Variants in WDR7 observed in about 807,000 individuals in gnomAD.
The protein encoded by WDR7 is WD repeat domain 7.
In WDR7, 46 loss-of-function variants were observed where a neutral mutation model predicts 169.4. The ratio of observed to expected loss-of-function variants is 0.27; its 90% CI spans 0.21 to 0.35. The LOEUF (loss-of-function observed/expected upper bound fraction) is 0.35. WDR7 is among the 10% of genes least tolerant of loss of function. The pLI is 1.00. For missense variants in WDR7, 1,534 were observed against 1,859.3 expected, an observed-to-expected ratio of 0.83 and a Z score of 3.22; for synonymous variants, 612 against 666.8, an observed-to-expected ratio of 0.92 and a Z score of 1.27.
At chr18:56,755,231 G>A (rs1599018599) in intron 14 of WDR7, among the ~76,000 whole-genome samples, 1 of 151,824 alleles carries the variant, frequency 6.6e-6, no homozygotes, top group Non-Finnish European at 1.5e-5. Flanking sequence ...TTTTATCGTA[G>A]TGAACTTTTA....
At chr18:56,856,858 C>T (rs2045729336) in intron 20 of WDR7, among the ~76,000 whole-genome samples, 2 of 152,100 alleles carry the variant, frequency 1.3e-5, no homozygotes, top group South Asian at 4.1e-4. Flanking sequence ...GCTGAGACCA[C>T]AGCTATTCTA....
Position 56,718,141 on chromosome 18 carries a change from G to A in WDR7, c.1756G>A (p.Val586Ile), listed in dbSNP as rs756670429. Residue 586 changes from valine to isoleucine, a missense_variant, in exon 13 of 28, where the codon GTC (valine) becomes ATC (isoleucine). Transcript: ENST00000254442. ...VVGCSDGSVY[V>I]WQMDTGALDR... is the part of the protein sequence containing the mutation. ...GGGGTGTTCAGATGGTTCTGTGTAC[G>A]TCTGGCAAATGGATACTGGTAAGAA... 1.6e-5 allele frequency: 25 copies of A among 1,612,094 alleles called. No homozygotes were observed. The highest frequency in any genetic ancestry group is 3.3e-5 in the South Asian group (3 of 90,710).
chr18:56,819,556 C>T (rs1473215385), intron 20 of WDR7, among the ~76,000 whole-genome samples: 1 of 151,994 alleles, frequency 6.6e-6, no homozygotes, highest in Non-Finnish European at 1.5e-5. Context: ...ACATATTAGC[C>T]CTCTTGGCGG....
At chr18:56,737,191 C>T (rs1176946375) in intron 14 of WDR7, among the ~76,000 whole-genome samples, 1 of 151,980 alleles carries the variant, frequency 6.6e-6, no homozygotes, top group South Asian at 2.1e-4. Flanking sequence ...ATATAGATAA[C>T]CAGTCATTTA....
intron 5 of WDR7, 45 bp downstream of exon 5, chr18:56,682,898 TGTTTA>T (rs760113475): frequency 7.7e-6 from 12 of 1,561,702 alleles, no homozygotes; most frequent in Non-Finnish European, 1.0e-5. Flanking sequence ...CATGACTTAA[TGTTTA>T]GTTTACTAGA....
intron 27 of WDR7, among the ~76,000 whole-genome samples, chr18:57,022,412 C>T (rs1051958496): frequency 2.6e-5 from 4 of 152,128 alleles, no homozygotes; most frequent in African/African-American, 9.7e-5. Flanking sequence ...GCATTAGAGA[C>T]ACAGAGATCA....
At position 56,962,483 on chromosome 18, in the gene WDR7, G is replaced by A. The variant is rs780171730; in HGVS notation, c.4118G>A (p.Arg1373His). 72 of 1,612,850 alleles carry A rather than the reference G, an allele frequency of 4.5e-5. No homozygotes were observed. The highest frequency in any genetic ancestry group is 5.5e-5 in the Non-Finnish European group (65 of 1,179,322). ...ERNHRIAVGA[R>H]HGSVALYDIR... Reference sequence around the variant, plus strand: ...AATCACAGAATAGCAGTTGGAGCTCGCCATGGTTCAGTGGCCCTGTACGAC... The same window carrying A: ...AATCACAGAATAGCAGTTGGAGCTCACCATGGTTCAGTGGCCCTGTACGAC... Residue 1373 changes from arginine to histidine, a missense_variant, in exon 26 of 28, where the codon CGC becomes CAC. By Grantham distance (29) the Arg-to-His change is conservative (BLOSUM62 0). Transcript: ENST00000254442.
chr18:56,822,800 T>C (rs1369493702), intron 20 of WDR7, among the ~76,000 whole-genome samples: 1 of 152,194 alleles, frequency 6.6e-6, no homozygotes, highest in Non-Finnish European at 1.5e-5. Context: ...ACTAAAGCTA[T>C]GGTTTTTGTT....
At chr18:57,032,806 T>TATATATATAC (rs1458767920), downstream of WDR7, 509 of 14,488 alleles carry the variant, frequency 0.035, 10 homozygotes, top group African/African-American at 0.11. Context: ...TTATTTTATA[T>TATATATATAC]ATATATATAT....
At chr18:56,952,268 T>C (rs1016962105) in intron 25 of WDR7, among the ~76,000 whole-genome samples, 1 of 152,226 alleles carries the variant, frequency 6.6e-6, no homozygotes, top group African/African-American at 2.4e-5. Flanking sequence ...CTGTGCAGTC[T>C]GGAGCACATC....
chr18:56,677,762 G>C (rs2025273464), intron 2 of WDR7, among the ~76,000 whole-genome samples: 1 of 152,116 alleles, frequency 6.6e-6, no homozygotes, highest in Non-Finnish European at 1.5e-5. Context: ...GGTTAAATTT[G>C]CTTGGTGTTC....
intron 21 of WDR7, among the ~76,000 whole-genome samples, chr18:56,886,283 G>A (rs779803558): frequency 6.6e-6 from 1 of 152,150 alleles, no homozygotes; most frequent in East Asian, 1.9e-4. Flanking sequence ...AGATTTCTCA[G>A]CAGAAGCCCT....
At position 57,027,690 on chromosome 18, in the gene WDR7, A is replaced by C; in HGVS notation, c.*483A>C. 6.4e-6 allele frequency: 1 copy of C among 155,434 alleles called. No homozygotes were observed. Among genetic ancestry groups the C allele is most frequent in the East Asian group, 1.9e-4 (1 of 5,224 alleles). 9.6% of individuals were successfully genotyped at this position (155,434 alleles called of 1,614,324 possible). ...ATTATTGCCCTTTGAATTACCTAAA[A>C]TATTGTTTACCAAAAAGATTCTGTG... On this transcript the variant is annotated 3_prime_UTR_variant, in exon 28 of 28. Transcript: ENST00000254442.
At chr18:56,692,023 G>A (rs570513852) in intron 9 of WDR7, among the ~76,000 whole-genome samples, 4 of 152,202 alleles carry the variant, frequency 2.6e-5, no homozygotes, top group African/African-American at 7.2e-5. Flanking sequence ...AATAACATTC[G>A]TTTTTCTAAG....
At chr18:56,958,092 A>C (rs763844947) in intron 25 of WDR7, among the ~76,000 whole-genome samples, 11 of 152,192 alleles carry the variant, frequency 7.2e-5, no homozygotes, top group Non-Finnish European at 1.6e-4. Flanking sequence ...AGGGAGTGCC[A>C]AAGTTATTTA....
chr18:56,696,187 T>C lies in WDR7; in HGVS notation c.1358-55T>C. ...AACATTCATGTTTACTTTTACTTAC[T>C]GAAACTTGGTAAACCTTTAATTTTC... On this transcript the variant is annotated intron_variant, in intron 11 of 27. Coordinates refer to ENST00000254442, the MANE Select transcript of WDR7 (RefSeq NM_015285.3). 2.1e-6 allele frequency: 3 copies of C among 1,440,190 alleles called. No individual in the cohort carries two copies. In the Admixed American group the frequency reaches 6.6e-5, roughly 32 times the overall value. The allele number at this position is 1,440,190 out of a possible 1,614,324, so 89.2% of individuals were successfully genotyped here.
intron 2 of WDR7, among the ~76,000 whole-genome samples, chr18:56,674,614 A>G (rs1211491518): frequency 2.0e-5 from 3 of 152,072 alleles, no homozygotes; most frequent in African/African-American, 7.2e-5. Context: ...CTCCCATTTT[A>G]TCAGTTGTTT....
chr18:56,781,114 A>G (rs2044312246), intron 18 of WDR7, among the ~76,000 whole-genome samples: 1 of 152,200 alleles, frequency 6.6e-6, no homozygotes, highest in Non-Finnish European at 1.5e-5. Context: ...TAAAGAAATT[A>G]AATAGATAAG....
intron 1 of WDR7, among the ~76,000 whole-genome samples, chr18:56,655,173 T>C (rs1475772041): frequency 1.3e-5 from 2 of 152,238 alleles, no homozygotes; most frequent in African/African-American, 4.8e-5. Flanking sequence ...AGTGGTTACA[T>C]TTTATGCAGC....
Sources: allele counts gnomAD v4.1 joint callset (sites outside exome capture counted in the v4.1 genomes callset), GRCh38; gene constraint gnomAD v4.1.1; transcripts MANE v1.5; gene names NCBI Gene and HGNC (gene_info 2026-07-23, HGNC 2026-07-21).